The following SYT16 variants were observed in gnomAD, a reference collection of about 807,000 sequenced individuals.
SYT16 encodes the protein synaptotagmin 16, also known as synaptotagmin-16.
In SYT16, 42 loss-of-function variants were observed where a neutral mutation model predicts 61.4. The observed-to-expected ratio is 0.68, with a 90% CI of 0.53 to 0.89. SYT16 has a LOEUF of 0.89. SYT16 is among the 40% of genes least tolerant of loss of function. The pLI, the probability that SYT16 is intolerant of heterozygous loss-of-function variation, is 0.00. For synonymous variants in SYT16, 314 were observed against 302.3 expected, an observed-to-expected ratio of 1.04 and a Z score of -0.40; for missense variants, 804 against 807.3, an observed-to-expected ratio of 1.00 and a Z score of 0.05.
chr14:61,952,611 AAC>A (rs2050716574), intron 1 of SYT16, among the ~76,000 whole-genome samples: 1 of 152,226 alleles, frequency 6.6e-6, no homozygotes, highest in South Asian at 2.1e-4. Flanking sequence ...GACTTATTTC[AAC>A]ACACATATTT....
chr14:62,098,578 T>G (rs2057338058), intron 7 of SYT16, among the ~76,000 whole-genome samples: 1 of 152,218 alleles, frequency 6.6e-6, no homozygotes. Context: ...TTAGCTTTAT[T>G]GCACAAGTTT....
chr14:61,854,172 C>A lies in SYT16; in HGVS notation c.-325+41362C>A, dbSNP rs1407058153. Among the ~76,000 whole-genome samples the A allele has an allele frequency of 2.0e-5, 3 of 152,108 alleles. No individual in the cohort carries two copies. The East Asian group carries it at 5.8e-4, about 29-fold the overall frequency. On this transcript the variant is annotated intron_variant, in intron 1 of 7. Transcript: ENST00000683842. Reference sequence around the variant, plus strand: ...TATATATACTTTTTCCAGAGATATACTTGTGAGATTGAAAGAAGGTATTAG... The same window carrying A: ...TATATATACTTTTTCCAGAGATATAATTGTGAGATTGAAAGAAGGTATTAG...
At chr14:61,888,832 A>G (rs1024298842) in intron 1 of SYT16, among the ~76,000 whole-genome samples, 4 of 152,016 alleles carry the variant, frequency 2.6e-5, no homozygotes, top group East Asian at 1.9e-4. Flanking sequence ...ATAAAACAAG[A>G]TATATCTATT....
intron 1 of SYT16, chr14:61,897,188 A>T (rs1381275564): frequency 6.6e-6 from 1 of 152,240 alleles, no homozygotes; most frequent in South Asian, 2.1e-4. Flanking sequence ...ATTGGCAGAG[A>T]TGAGGAGTAG....
chr14:62,070,919 G>A (rs59854422), intron 4 of SYT16, among the ~76,000 whole-genome samples: 14,153 of 152,050 alleles, frequency 0.093, 1,708 homozygotes, highest in African/African-American at 0.28. Flanking sequence ...AAGATAAAAC[G>A]GGAGAAATTT....
chr14:61,823,431 C>T (rs1487767466), intron 1 of SYT16, among the ~76,000 whole-genome samples: 8 of 151,752 alleles, frequency 5.3e-5, no homozygotes, highest in East Asian at 1.9e-4. Flanking sequence ...TTTGCACTTA[C>T]GAAAAGCATG....
intron 1 of SYT16, among the ~76,000 whole-genome samples, chr14:61,945,239 A>G (rs1476366903): frequency 6.6e-6 from 1 of 152,188 alleles, no homozygotes; most frequent in African/African-American, 2.4e-5. Flanking sequence ...GAAACAACAG[A>G]TGCTGGAAAG....
chr14:61,973,886 T>C (rs1197273060), intron 2 of SYT16, among the ~76,000 whole-genome samples: 1 of 152,144 alleles, frequency 6.6e-6, no homozygotes, highest in East Asian at 1.9e-4. Context: ...CCATGAAGTG[T>C]TTCCTGGACC....
intron 1 of SYT16, among the ~76,000 whole-genome samples, chr14:61,939,731 A>AT: frequency 6.6e-6 from 1 of 152,094 alleles, no homozygotes; most frequent in East Asian, 1.9e-4. Context: ...CAATCTGTGA[A>AT]TTTTATGGGA....
intron 7 of SYT16, among the ~76,000 whole-genome samples, chr14:62,092,216 AC>A (rs2057108104): frequency 7.5e-6 from 1 of 134,164 alleles, no homozygotes; most frequent in African/African-American, 2.7e-5. Flanking sequence ...ACACACACAC[AC>A]ACACACACAC....
chr14:62,058,457 T>C (rs1470870373), intron 3 of SYT16, among the ~76,000 whole-genome samples: 2 of 151,440 alleles, frequency 1.3e-5, no homozygotes, highest in African/African-American at 4.9e-5. Context: ...TCCCAGGTTC[T>C]TCTGTGAGTG....
rs145001073 is a variant in SYT16, at chr14:61,955,375, G to A, written c.-324-14757G>A. 3.1e-3 allele frequency among the ~76,000 whole-genome samples: 468 copies of A among 151,992 alleles called. 1 individual carries two copies. Among genetic ancestry groups the A allele is most frequent in the Non-Finnish European group, 5.6e-3 (379 of 67,910 alleles). ...TATTGTCGATCATAGGCCCTATATTGTACAGTAGATCTCCAGATCTTATTT... is the reference window on the plus strand; with the variant it reads ...TATTGTCGATCATAGGCCCTATATTATACAGTAGATCTCCAGATCTTATTT... On this transcript the variant is annotated intron_variant, in intron 1 of 7. Transcript: ENST00000683842.
intron 3 of SYT16, among the ~76,000 whole-genome samples, chr14:62,057,700 A>G (rs2055627510): frequency 6.6e-6 from 1 of 152,170 alleles, no homozygotes; most frequent in South Asian, 2.1e-4. Flanking sequence ...CACCAAGGGG[A>G]GATCCTCTGG....
chr14:62,078,106 G>GCTCTCTCT (rs138705547), intron 5 of SYT16, among the ~76,000 whole-genome samples: 3 of 137,536 alleles, frequency 2.2e-5, no homozygotes, highest in East Asian at 2.1e-4. Context: ...TTGTGCGCTT[G>GCTCTCTCT]CTCTCTCTCT....
chr14:61,984,484 A>T (rs1293754900), intron 2 of SYT16, among the ~76,000 whole-genome samples: 2 of 152,170 alleles, frequency 1.3e-5, no homozygotes, highest in African/African-American at 4.8e-5. Context: ...ACTCATATTT[A>T]TATTAAAATT....
intron 1 of SYT16, among the ~76,000 whole-genome samples, chr14:61,836,724 T>A (rs1452180944): frequency 6.6e-6 from 1 of 152,222 alleles, no homozygotes. Flanking sequence ...CATGGCAGCT[T>A]ACAGAATTGA....
intron 1 of SYT16, among the ~76,000 whole-genome samples, chr14:61,857,903 T>C (rs2140281444): frequency 6.6e-6 from 1 of 151,894 alleles, no homozygotes; most frequent in Non-Finnish European, 1.5e-5. Flanking sequence ...TGTCTGTCAT[T>C]TTGACAGGGG....
chr14:62,028,351 T>G (rs368009428), intron 3 of SYT16, among the ~76,000 whole-genome samples: 4 of 152,202 alleles, frequency 2.6e-5, no homozygotes, highest in African/African-American at 9.6e-5. Flanking sequence ...TTATGTACAC[T>G]AAATCATTCA....
In SYT16 at chr14:62,059,709, AT is replaced by A. The variant is rs1485127188; in HGVS notation, c.524-9889del. ...ATATATATGTATATATATACATATA[AT>A]TTTTATATATGTATAGCTACATATA... On this transcript the variant is annotated intron_variant, in intron 3 of 7. Transcript: ENST00000683842. Among the ~76,000 whole-genome samples, 8 of 147,858 alleles carry A rather than the reference AT, an allele frequency of 5.4e-5. No individual in the cohort carries two copies. In the South Asian group the frequency reaches 1.5e-3, roughly 27 times the overall value.
Sources: allele counts gnomAD v4.1 joint callset (sites outside exome capture counted in the v4.1 genomes callset), GRCh38; gene constraint gnomAD v4.1.1; transcripts MANE v1.5; gene names NCBI Gene and HGNC (gene_info 2026-07-23, HGNC 2026-07-21).